The following DSE variants were observed in gnomAD, a reference collection of about 807,000 sequenced individuals.
DSE encodes the protein dermatan sulfate epimerase, also known as dermatan-sulfate epimerase.
In DSE, 36 loss-of-function variants were observed where a neutral mutation model predicts 84.4. The ratio of observed to expected loss-of-function variants is 0.43; its 90% CI spans 0.33 to 0.56. The LOEUF (loss-of-function observed/expected upper bound fraction) is 0.56, where lower values mean the gene tolerates loss of function less well. Ranked by LOEUF, DSE falls within the 20% of genes least tolerant of loss-of-function variation. The pLI, the probability that DSE is intolerant of heterozygous loss-of-function variation, is 0.06. For synonymous variants in DSE, 410 were observed against 430.1 expected, an observed-to-expected ratio of 0.95 and a Z score of 0.58; for missense variants, 862 against 1,169.6, an observed-to-expected ratio of 0.74 and a Z score of 3.84.
At chr6:116,414,475 C>T (rs982943256) in intron 2 of DSE, among the ~76,000 whole-genome samples, 2 of 152,064 alleles carry the variant, frequency 1.3e-5, no homozygotes, top group East Asian at 1.9e-4. Context: ...TGCAATGGCC[C>T]GATCTCAGCT....
chr6:116,423,397 T>C (rs560835592), intron 2 of DSE, among the ~76,000 whole-genome samples: 2 of 152,260 alleles, frequency 1.3e-5, no homozygotes, highest in South Asian at 4.1e-4. Context: ...TCTTCCTATA[T>C]AATAAAGAAA....
chr6:116,325,654 A>T (rs1199719314), intron 2 of DSE, among the ~76,000 whole-genome samples: 4 of 152,154 alleles, frequency 2.6e-5, no homozygotes, highest in Non-Finnish European at 4.4e-5. Flanking sequence ...TCTGCCCTCC[A>T]TGTAAGGACC....
chr6:116,340,215 T>G (rs1338291371), intron 2 of DSE, among the ~76,000 whole-genome samples: 1 of 152,170 alleles, frequency 6.6e-6, no homozygotes, highest in East Asian at 1.9e-4. Flanking sequence ...TTAAAAATAT[T>G]TTTCTGTCTC....
At chr6:116,303,690 C>T (rs1350243246) in intron 2 of DSE, among the ~76,000 whole-genome samples, 2 of 151,876 alleles carry the variant, frequency 1.3e-5, no homozygotes, top group Non-Finnish European at 2.9e-5. Context: ...GCTGGTAGGC[C>T]CTATTCTTAA....
chr6:116,378,392 G>A (rs961722738), intron 1 of DSE, among the ~76,000 whole-genome samples: 1 of 152,110 alleles, frequency 6.6e-6, no homozygotes, highest in African/African-American at 2.4e-5. Flanking sequence ...ATTTAAATAT[G>A]TGAATATAGA....
chr6:116,323,244 A>G (rs888412929), intron 2 of DSE, among the ~76,000 whole-genome samples: 1 of 152,224 alleles, frequency 6.6e-6, no homozygotes, highest in Non-Finnish European at 1.5e-5. Flanking sequence ...TTTCAGTTGT[A>G]GCAATGTCAT....
At chr6:116,396,450 A>G (rs1313652433) in intron 1 of DSE, among the ~76,000 whole-genome samples, 3 of 152,198 alleles carry the variant, frequency 2.0e-5, no homozygotes, top group Non-Finnish European at 4.4e-5. Context: ...CAGTCTTCAT[A>G]GATGATTGTT....
chr6:116,349,662 T>G (rs144060067), intron 2 of DSE, among the ~76,000 whole-genome samples: 11 of 152,286 alleles, frequency 7.2e-5, no homozygotes, highest in Non-Finnish European at 1.5e-4. Flanking sequence ...TTGAGTGAGC[T>G]CTCATGGATC....
intron 2 of DSE, among the ~76,000 whole-genome samples, chr6:116,265,928 C>T (rs956544495): frequency 6.6e-6 from 1 of 152,168 alleles, no homozygotes; most frequent in Admixed American, 6.5e-5. Context: ...TACCCCTTCT[C>T]TAATTAGCTC....
At chr6:116,373,900 T>C (rs1406788916) in intron 1 of DSE, among the ~76,000 whole-genome samples, 1 of 152,304 alleles carries the variant, frequency 6.6e-6, no homozygotes, top group Non-Finnish European at 1.5e-5. Context: ...ATGAAAGAAA[T>C]TGCATGATTT....
chr6:116,392,145 G>T (rs1486920308), intron 1 of DSE, among the ~76,000 whole-genome samples: 2 of 152,190 alleles, frequency 1.3e-5, no homozygotes, highest in African/African-American at 2.4e-5. Context: ...AAAGCACTTG[G>T]AAGGTTTCTC....
rs372550442 is a variant in DSE at position 116,266,751 on chromosome 6, ACTTT to A, written c.-54+7792_-54+7795del. On this transcript the variant is annotated intron_variant, in intron 2 of 3. Coordinates refer to the DSE transcript ENST00000430252. ...GAAAGTTATTTTCTTTCTTTTTCTTACTTTCTTTCTTAGTGTTAACTAATGGCTT... is the reference window on the plus strand; with the variant it reads ...GAAAGTTATTTTCTTTCTTTTTCTTACTTTCTTAGTGTTAACTAATGGCTT... Among the ~76,000 whole-genome samples the A allele has an allele frequency of 1.7e-3, 251 of 152,114 alleles. 3 individuals are homozygous for A. The highest frequency in any genetic ancestry group is 5.3e-3 in the African/African-American group (221 of 41,554).
intron 1 of DSE, among the ~76,000 whole-genome samples, chr6:116,387,345 G>A (rs1780637119): frequency 6.6e-6 from 1 of 152,138 alleles, no homozygotes; most frequent in Non-Finnish European, 1.5e-5. Flanking sequence ...GAAAGAAAAA[G>A]GATAGGGAAG....
intron 4 of DSE, 55 bp from the exon 5 acceptor site, chr6:116,433,288 T>C: frequency 6.7e-7 from 1 of 1,499,814 alleles, no homozygotes; most frequent in South Asian, 1.2e-5. Context: ...TTTAGACCTA[T>C]ATAGGAGTGT....
At chr6:116,255,192 GTTATGA>G (rs1382443167) in intron 1 of DSE, 2 of 152,082 alleles carry the variant, frequency 1.3e-5, no homozygotes, top group Non-Finnish European at 2.9e-5. Context: ...CAAATAAACG[GTTATGA>G]TTATAACTCT....
rs557999080 is a variant in DSE, at chr6:116,345,158, C to T, written c.-53-54040C>T. ...CTACAAAGAGACTTAGACTCCCACA[C>T]AATAATAATGGGAGACTTCAACACC... On this transcript the variant is annotated intron_variant, in intron 2 of 3. Coordinates refer to the DSE transcript ENST00000430252. 5.5e-4 allele frequency among the ~76,000 whole-genome samples: 83 copies of T among 152,272 alleles called. 1 individual carries two copies. Among genetic ancestry groups the T allele is most frequent in the African/African-American group, 1.9e-3 (81 of 41,560 alleles).
At chr6:116,335,468 C>T (rs566371211) in intron 2 of DSE, among the ~76,000 whole-genome samples, 2 of 152,158 alleles carry the variant, frequency 1.3e-5, no homozygotes, top group African/African-American at 4.8e-5. Flanking sequence ...GTACAACAAA[C>T]CCCCATGACA....
Position 116,258,913 on chromosome 6 carries a change from A to G in DSE, c.-108A>G, listed in dbSNP as rs192842601. The G allele has an allele frequency of 3.2e-5, 50 of 1,577,696 alleles. No homozygotes were observed. In the East Asian group the frequency reaches 9.6e-4, roughly 30 times the overall value. The stretch of plus-strand genomic sequence containing the variant: ...CATGGAGTTAGTAAGGCGCTCCACA[A>G]TGGGACACTGAGCTTTGTGGAAGCA... On this transcript the variant is annotated 5_prime_UTR_variant, in exon 2 of 4. Transcript: ENST00000430252.
At chr6:116,333,472 A>G (rs77119325) in intron 2 of DSE, among the ~76,000 whole-genome samples, 1 of 152,334 alleles carries the variant, frequency 6.6e-6, no homozygotes, top group East Asian at 1.9e-4. Flanking sequence ...AAGTGCCCCC[A>G]TGACTTAATC....
Sources: allele counts gnomAD v4.1 joint callset (sites outside exome capture counted in the v4.1 genomes callset), GRCh38; gene constraint gnomAD v4.1.1; transcripts MANE v1.5; gene names NCBI Gene and HGNC (gene_info 2026-07-23, HGNC 2026-07-21).